The following RNASEH1 variants were observed in gnomAD, a reference collection of about 807,000 sequenced individuals.
The protein encoded by RNASEH1 is ribonuclease H1.
In RNASEH1, 27 loss-of-function variants were observed where a neutral mutation model predicts 34.6. The ratio of observed to expected loss-of-function variants is 0.78; its 90% CI spans 0.58 to 1.08. RNASEH1 has a LOEUF of 1.08. RNASEH1 is among the 50% of genes least tolerant of loss of function. RNASEH1 has a pLI of 0.00. For missense variants in RNASEH1, 349 were observed against 373.6 expected (o/e 0.93, Z 0.54); for synonymous variants, 162 against 138.4 (o/e 1.17, Z -1.20).
At chr2:3,548,988 A>C (rs1669024892) in intron 5 of RNASEH1, 70 bp downstream of exon 5, 2 of 1,228,754 alleles carry the variant, frequency 1.6e-6, no homozygotes, top group African/African-American at 3.0e-5. Flanking sequence ...AAAAAAAAAG[A>C]ATTAGTTTAT....
intron 2 of RNASEH1, 74 bp from the exon 3 acceptor site, chr2:3,552,382 A>T: frequency 1.4e-6 from 2 of 1,422,984 alleles, no homozygotes; most frequent in Non-Finnish European, 1.9e-6. Context: ...GAAGACATTC[A>T]GTAAATTATT....
At chr2:3,556,953 C>T in intron 1 of RNASEH1, 49 bp from the exon 2 acceptor site, 2 of 1,362,072 alleles carry the variant, frequency 1.5e-6, no homozygotes, top group Non-Finnish European at 2.1e-6. Context: ...CTAACTTATC[C>T]CCTTTTTTAT....
At chr2:3,551,887 G>C (rs1488925004) in intron 3 of RNASEH1, among the ~76,000 whole-genome samples, 1 of 152,204 alleles carries the variant, frequency 6.6e-6, no homozygotes. Context: ...AGTACTGCAT[G>C]CACAGGGAAT....
chr2:3,533,122 C>T, the RNASEH1 span: 1 of 152,336 alleles, frequency 6.6e-6, no homozygotes, highest in Non-Finnish European at 1.5e-5. Context: ...CCTGGCACAG[C>T]CTGGTGCCAA....
chr2:3,553,581 G>A (rs1259703818), intron 2 of RNASEH1, among the ~76,000 whole-genome samples: 1 of 50,236 alleles, frequency 2.0e-5, no homozygotes, highest in East Asian at 3.3e-4. Context: ...TAGTAGAGAT[G>A]GGGGTTTCAC....
the RNASEH1 span, among the ~76,000 whole-genome samples, chr2:3,536,338 T>C: frequency 6.6e-6 from 1 of 152,144 alleles, no homozygotes; most frequent in African/African-American, 2.4e-5. Context: ...AAATGGGCCT[T>C]GACAAAGACC....
intron 1 of RNASEH1, chr2:3,557,589 C>T (rs1660639889): frequency 3.0e-6 from 1 of 336,890 alleles, no homozygotes; most frequent in South Asian, 2.4e-5. Flanking sequence ...AACAGCTGGG[C>T]TCAAGTCCTT....
chr2:3,540,661 C>T (rs1296766724), downstream of RNASEH1, among the ~76,000 whole-genome samples: 2 of 152,230 alleles, frequency 1.3e-5, no homozygotes, highest in African/African-American at 4.8e-5. Flanking sequence ...CTTGCTTCAG[C>T]TTCCCAAAGT....
At chr2:3,537,517 G>A (rs1668046024), downstream of RNASEH1, among the ~76,000 whole-genome samples, 1 of 152,144 alleles carries the variant, frequency 6.6e-6, no homozygotes, top group South Asian at 2.1e-4. Flanking sequence ...GAGCCCAGAA[G>A]TTGAAGACCC....
intron 2 of RNASEH1, among the ~76,000 whole-genome samples, chr2:3,554,673 T>A (rs1427137150): frequency 6.6e-6 from 1 of 152,304 alleles, no homozygotes; most frequent in East Asian, 1.9e-4. Context: ...GTCAGAGTAC[T>A]TAATAAAAAC....
At position 3,550,378 on chromosome 2, in the gene RNASEH1, A is replaced by C. The variant is rs1448573618; in HGVS notation, c.504T>G (p.His168Gln). The C allele has an allele frequency of 6.2e-7, 1 of 1,612,342 alleles. No individual in the cohort carries two copies. The highest frequency in any genetic ancestry group is 1.1e-5 in the South Asian group (1 of 91,056). ...CTCAGCTTCGTTTAACTTACAAAGG[A>C]TGGCCTGGCCCCCAGTAAACGCCGA... The part of the protein sequence containing the change: ...AGIGVYWGPG[H>Q]PLNVGIRLPG... The change falls in exon 4 of 8, where the codon CAT becomes CAG. Residue 168 changes from histidine (H) to glutamine (Q), a missense_variant. By Grantham distance (24) the His-to-Gln change is conservative (BLOSUM62 0). This residue lies in a region of RNASEH1 where 256 missense variants were observed against 240.7 expected (regional missense o/e 1.06). Transcript: ENST00000315212.
intron 1 of RNASEH1, 159 bp downstream of exon 1, chr2:3,557,974 C>G (rs997056614): frequency 1.3e-6 from 2 of 1,494,800 alleles, no homozygotes; most frequent in African/African-American, 2.8e-5. Context: ...GGAACCCCGC[C>G]GGCCGAGCAG....
intron 5 of RNASEH1, 75 bp from the exon 6 acceptor site, chr2:3,548,799 G>T: frequency 9.3e-7 from 1 of 1,076,676 alleles, no homozygotes; most frequent in South Asian, 1.3e-5. Flanking sequence ...AAAGTACTTC[G>T]AAATTGAAAC....
At chr2:3,548,096 TCCTG>T in intron 6 of RNASEH1, 41 bp from the exon 7 acceptor site, 2 of 1,612,292 alleles carry the variant, frequency 1.2e-6, no homozygotes, top group Non-Finnish European at 1.7e-6. Flanking sequence ...ATCTTGAGTG[TCCTG>T]CCTTTTTCAC....
intron 7 of RNASEH1, 50 bp downstream of exon 7, chr2:3,547,881 A>C (rs1245687488): frequency 6.3e-7 from 1 of 1,577,208 alleles, no homozygotes; most frequent in Non-Finnish European, 8.7e-7. Context: ...TAGTAAACTT[A>C]GCTTATTTGG....
the RNASEH1 span, among the ~76,000 whole-genome samples, chr2:3,532,950 G>A: frequency 1.3e-5 from 2 of 152,196 alleles, no homozygotes; most frequent in South Asian, 2.1e-4. Flanking sequence ...TCACCCTTCG[G>A]GCAGAGCGAG....
In RNASEH1 at chr2:3,556,423, A is replaced by G. The variant is rs536712286; in HGVS notation, c.244+366T>C. Among the ~76,000 whole-genome samples the G allele has an allele frequency of 3.0e-3, 458 of 150,274 alleles. 1 individual carries two copies. The highest frequency in any genetic ancestry group is 6.8e-3 in the Middle Eastern group (2 of 292). On this transcript the variant is annotated intron_variant, in intron 2 of 7. Transcript: ENST00000315212. ...CGGGCTCAAGCAATTCTCCCACCTCAGCCTCCCGAGTAGCTGGGATTACAG... is the reference window on the plus strand; with the variant it reads ...CGGGCTCAAGCAATTCTCCCACCTCGGCCTCCCGAGTAGCTGGGATTACAG...
intron 7 of RNASEH1, 76 bp downstream of exon 7, chr2:3,547,855 A>C: frequency 7.2e-7 from 1 of 1,388,254 alleles, no homozygotes; most frequent in Non-Finnish European, 1.0e-6. Context: ...AACCACTTAC[A>C]TAAACCATTA....
At chr2:3,534,947 A>G in the RNASEH1 span, among the ~76,000 whole-genome samples, 1 of 152,224 alleles carries the variant, frequency 6.6e-6, no homozygotes, top group African/African-American at 2.4e-5. Flanking sequence ...CGGGGTCCCT[A>G]GAGGAGTCAC....
Sources: allele counts gnomAD v4.1 joint callset (sites outside exome capture counted in the v4.1 genomes callset), GRCh38; gene constraint gnomAD v4.1.1; regional missense constraint gnomAD v4.1.1; transcripts MANE v1.5; gene names NCBI Gene and HGNC (gene_info 2026-07-23, HGNC 2026-07-21).